Variants in DENND4A observed in about 807,000 individuals in gnomAD.
DENND4A encodes the protein C-myc promoter-binding protein.
In DENND4A, 70 loss-of-function variants were observed where a neutral mutation model predicts 199.3. The observed-to-expected ratio is 0.35, with a 90% CI of 0.29 to 0.43. The LOEUF is 0.43. Among genes scored for constraint, DENND4A ranks in the 20% least tolerant of loss-of-function variants. The pLI is 1.00. For synonymous variants in DENND4A, 686 were observed against 766.9 expected (o/e 0.89, Z 1.74); for missense variants, 1,723 against 2,255.8 (o/e 0.76, Z 4.78).
rs916989089 is a variant in DENND4A, at chr15:65,700,539, C to A, written c.2833+5G>T. ...TAATAAATGTATACATAAGCATACACAAACCTGTACTAGATCTATCATCAG... is the reference window on the plus strand; with the variant it reads ...TAATAAATGTATACATAAGCATACAAAAACCTGTACTAGATCTATCATCAG... On this transcript the variant is annotated splice_donor_5th_base_variant and intron_variant, in intron 20 of 32. Coordinates refer to ENST00000443035, the MANE Select transcript of DENND4A (RefSeq NM_001320835.1). 9.6e-6 allele frequency: 14 copies of A among 1,461,900 alleles called. No homozygotes were observed. The African/African-American group carries it at 1.9e-4, about 20-fold the overall frequency. The allele number at this position is 1,461,900 out of a possible 1,614,324, so 90.6% of individuals were successfully genotyped here. A position where few individuals can be genotyped will look rare whatever the true frequency, so the allele number is the denominator to read the frequency against.
At chr15:65,787,594 G>A (rs1596718062) in intron 1 of DENND4A, among the ~76,000 whole-genome samples, 3 of 152,084 alleles carry the variant, frequency 2.0e-5, no homozygotes, top group South Asian at 2.1e-4. Flanking sequence ...TAGCATTCCC[G>A]AACCTACAAT....
In DENND4A at chr15:65,691,496, AGCT is replaced by A. The variant is rs1202570985; in HGVS notation, c.3095_3097del (p.Glu1032_Leu1033delinsVal). The stretch of plus-strand genomic sequence containing the variant: ...ATCTTCAAGAGATGATATTAAGAGC[AGCT>A]CAGGTGTGCTTTCTGAAAAACAAGT... On this transcript the variant is annotated inframe_deletion, in exon 23 of 33. Coordinates refer to ENST00000443035, the MANE Select transcript of DENND4A (RefSeq NM_001320835.1). The A allele has an allele frequency of 2.8e-5, 44 of 1,596,580 alleles. No individual in the cohort carries two copies. The highest frequency in any genetic ancestry group is 4.0e-5 in the African/African-American group (3 of 74,274).
intron 3 of DENND4A, among the ~76,000 whole-genome samples, chr15:65,755,437 C>G (rs2076676327): frequency 6.6e-6 from 1 of 152,084 alleles, no homozygotes; most frequent in Admixed American, 6.6e-5. Context: ...CTAATTTACC[C>G]CAATATCCTT....
chr15:65,788,937 C>T (rs556542713), intron 1 of DENND4A, among the ~76,000 whole-genome samples: 7 of 151,312 alleles, frequency 4.6e-5, no homozygotes, highest in Non-Finnish European at 1.5e-5. Context: ...ACCCATAATC[C>T]GATCACCCAG....
At chr15:65,741,830 G>C (rs1471460857) in intron 4 of DENND4A, 46 bp from the exon 5 acceptor site, 1 of 1,489,414 alleles carries the variant, frequency 6.7e-7, no homozygotes, top group Admixed American at 1.7e-5. Context: ...TAAAAGGTAG[G>C]AACTTGATAA....
At position 65,737,722 on chromosome 15, in the gene DENND4A, A is replaced by T. The variant is rs1476038656; in HGVS notation, c.1025T>A (p.Val342Asp). 1 of 1,575,050 alleles carries T rather than the reference A, an allele frequency of 6.3e-7. No homozygotes were observed. Among genetic ancestry groups the T allele is most frequent in the Non-Finnish European group, 8.6e-7 (1 of 1,159,592 alleles). ...LYRYSISGPHVLPIEKHISHF... is the reference protein window; with the variant it reads ...LYRYSISGPHDLPIEKHISHF... ...CTTAACTTACTTCTCAATTGGAAGGACATGAGGCCCAGAGATGGAATAACG... is the reference window on the plus strand; with the variant it reads ...CTTAACTTACTTCTCAATTGGAAGGTCATGAGGCCCAGAGATGGAATAACG... The change falls in exon 7 of 33, where the codon GTC (valine) becomes GAC (aspartate). Residue 342 changes from valine (V) to aspartate (D), a missense_variant. Val to Asp is a radical substitution (Grantham distance 152, BLOSUM62 -3). Around this residue, in one of 6 missense-constraint regions of DENND4A, gnomAD observed 725 missense variants for 952.9 expected, o/e 0.76. Coordinates refer to ENST00000443035, the MANE Select transcript of DENND4A (RefSeq NM_001320835.1).
At chr15:65,697,188 G>T in intron 21 of DENND4A, 79 bp downstream of exon 21, 1 of 896,862 alleles carries the variant, frequency 1.1e-6, no homozygotes, top group Non-Finnish European at 1.7e-6. Flanking sequence ...AGTAAAACCA[G>T]CACTTTTATA....
intron 8 of DENND4A, among the ~76,000 whole-genome samples, chr15:65,732,532 A>G (rs2075989995): frequency 6.6e-6 from 1 of 152,076 alleles, no homozygotes; most frequent in Non-Finnish European, 1.5e-5. Context: ...ACTTCAACCT[A>G]CTTCTTTAAT....
chr15:65,742,915 T>C (rs967384351), intron 4 of DENND4A, among the ~76,000 whole-genome samples: 1 of 152,226 alleles, frequency 6.6e-6, no homozygotes, highest in South Asian at 2.1e-4. Flanking sequence ...ACATAATTTA[T>C]TTAAAAGTTT....
At chr15:65,783,223 G>T (rs115493060) in intron 1 of DENND4A, among the ~76,000 whole-genome samples, 338 of 152,254 alleles carry the variant, frequency 2.2e-3, no homozygotes, top group African/African-American at 7.3e-3. Context: ...TTTGGTAAAG[G>T]CATTTCTCAT....
chr15:65,709,695 C>CAAA (rs1171075195), intron 14 of DENND4A, among the ~76,000 whole-genome samples: 30 of 36,166 alleles, frequency 8.3e-4, no homozygotes, highest in East Asian at 4.9e-3. Context: ...AACTCCATCT[C>CAAA]AAAAAAAAAA....
intron 14 of DENND4A, among the ~76,000 whole-genome samples, chr15:65,713,190 T>C (rs2075298352): frequency 6.6e-6 from 1 of 152,212 alleles, no homozygotes; most frequent in Non-Finnish European, 1.5e-5. Flanking sequence ...AAGCACTGCA[T>C]TTGGTTGTCA....
At chr15:65,662,227 AC>A (rs2075867817) in intron 32 of DENND4A, among the ~76,000 whole-genome samples, 2 of 152,186 alleles carry the variant, frequency 1.3e-5, no homozygotes, top group African/African-American at 4.8e-5. Flanking sequence ...TACCACACAC[AC>A]TTTTTTGGTA....
rs755725169 is a variant in DENND4A, at chr15:65,715,447, G to A, written c.1953+31C>T. 1.9e-6 allele frequency: 3 copies of A among 1,572,162 alleles called. No individual in the cohort carries two copies. In the African/African-American group the frequency reaches 4.1e-5, roughly 22 times the overall value. ...CATTTATAACAGTCACACAAAATAA[G>A]TTAGGGCATTGTAGATGTACTGTTA... On this transcript the variant is annotated intron_variant, in intron 14 of 32. Coordinates refer to ENST00000443035, the MANE Select transcript of DENND4A (RefSeq NM_001320835.1).
intron 1 of DENND4A, among the ~76,000 whole-genome samples, chr15:65,785,453 G>A (rs1167513046): frequency 5.5e-5 from 8 of 146,424 alleles, no homozygotes; most frequent in Non-Finnish European, 1.2e-4. Flanking sequence ...TCACATCACC[G>A]CGCTCCAACC....
chr15:65,783,074 C>A (rs1477770734), intron 1 of DENND4A, among the ~76,000 whole-genome samples: 4 of 150,328 alleles, frequency 2.7e-5, no homozygotes, highest in African/African-American at 7.3e-5. Context: ...TATATAATTA[C>A]CATGTAATTT....
Position 65,729,081 on chromosome 15 carries a change from G to C in DENND4A, c.1478C>G (p.Thr493Ser). Reference sequence around the variant, plus strand: ...ACTAAAATGTACTTACTGAGAAATAGTGTTGGTATCTACATCAACACAACT... The same window carrying C: ...ACTAAAATGTACTTACTGAGAAATACTGTTGGTATCTACATCAACACAACT... ...DVSCVDVDTN[T>S]ISQIGDKKNV... The change falls in exon 11 of 33, where the codon ACT (threonine) becomes AGT (serine). Residue 493 changes from threonine (T) to serine (S), a missense_variant. By Grantham distance (58) the Thr-to-Ser change is moderately conservative (BLOSUM62 1). Coordinates refer to ENST00000443035, the MANE Select transcript of DENND4A (RefSeq NM_001320835.1). The C allele has an allele frequency of 6.3e-7, 1 of 1,583,896 alleles. No homozygotes were observed. The highest frequency in any genetic ancestry group is 8.6e-7 in the Non-Finnish European group (1 of 1,163,182).
chr15:65,717,720 A>C lies in DENND4A; in HGVS notation c.1807+58T>G. On this transcript the variant is annotated intron_variant, in intron 13 of 32. Coordinates refer to ENST00000443035, the MANE Select transcript of DENND4A (RefSeq NM_001320835.1). The stretch of plus-strand genomic sequence containing the variant: ...GAGCTATTAATACAGACAGCAAATG[A>C]ATCATCACAAAGTTAAGCTCAATAA... The C allele has an allele frequency of 2.9e-6, 4 of 1,390,830 alleles. No individual in the cohort carries two copies. The East Asian group carries it at 9.8e-5, about 34-fold the overall frequency. The allele number at this position is 1,390,830 out of a possible 1,614,324, so 86.2% of individuals were successfully genotyped here.
intron 13 of DENND4A, among the ~76,000 whole-genome samples, chr15:65,716,946 C>T (rs1002802785): frequency 1.3e-5 from 2 of 152,088 alleles, no homozygotes; most frequent in East Asian, 1.9e-4. Flanking sequence ...TTCTAACTGG[C>T]GTGAGATGGT....
Sources: gnomAD v4.1 joint callset for allele counts (sites outside exome capture counted in the v4.1 genomes callset) on GRCh38, gnomAD v4.1.1 for gene constraint, gnomAD v4.1.1 regional missense constraint, MANE v1.5 for transcripts, NCBI Gene and HGNC (gene_info 2026-07-23, HGNC 2026-07-21) for gene names.